The following KDM7A variants were observed in gnomAD, a reference collection of about 807,000 sequenced individuals.
The protein encoded by KDM7A is lysine-specific demethylase 7A.
Under a neutral mutation model 114.8 loss-of-function variants are expected in KDM7A, and 28 were observed. The ratio of observed to expected loss-of-function variants is 0.24; its 90% CI spans 0.18 to 0.33. The LOEUF (loss-of-function observed/expected upper bound fraction) is 0.33. Among genes scored for constraint, KDM7A ranks in the 10% least tolerant of loss-of-function variants. The pLI, the probability that KDM7A is intolerant of heterozygous loss-of-function variation, is 1.00. For missense variants in KDM7A, 942 were observed against 1,142.5 expected (o/e 0.82, Z 2.53); for synonymous variants, 423 against 397.8 (o/e 1.06, Z -0.75).
Position 140,111,293 on chromosome 7 carries a change from G to A in KDM7A, c.1339-109C>T, listed in dbSNP as rs532806748. The A allele has an allele frequency of 2.0e-4, 125 of 616,838 alleles. 1 individual carries two copies. The Middle Eastern group carries it at 2.1e-3, about 11-fold the overall frequency. 38.2% of individuals were successfully genotyped at this position (616,838 alleles called of 1,614,324 possible). ...GATTCTCTAAACTGTTACAGACATC[G>A]CCAAATACTAGTAAGCCAGGTTTCA... On this transcript the variant is annotated intron_variant, in intron 10 of 19. Coordinates refer to ENST00000397560, the MANE Select transcript of KDM7A (RefSeq NM_030647.2).
intron 14 of KDM7A, among the ~76,000 whole-genome samples, chr7:140,097,985 A>G (rs1485795925): frequency 6.6e-6 from 1 of 152,246 alleles, no homozygotes; most frequent in Non-Finnish European, 1.5e-5. Context: ...CTCCTTTTGC[A>G]TTAGTTGTAT....
At chr7:140,112,727 C>A (rs1197710794) in intron 10 of KDM7A, among the ~76,000 whole-genome samples, 1 of 152,036 alleles carries the variant, frequency 6.6e-6, no homozygotes, top group African/African-American at 2.4e-5. Flanking sequence ...ATGAGAAAGA[C>A]AGTCCCTGTT....
In KDM7A at chr7:140,176,948, C is replaced by A; in HGVS notation, c.-11G>T. 5 of 1,139,214 alleles carry A rather than the reference C, an allele frequency of 4.4e-6. No homozygotes were observed. The highest frequency in any genetic ancestry group is 5.4e-6 in the Non-Finnish European group (5 of 925,524). The allele number at this position is 1,139,214 out of a possible 1,614,324, so 70.6% of individuals were successfully genotyped here. On this transcript the variant is annotated 5_prime_UTR_variant, in exon 1 of 20. Transcript: ENST00000397560. This position sits in a 1 kb window ranked among gnomAD's most constrained non-coding sequence, Gnocchi z 4.4. ...CGCCGCTCCGGCCATCTTTAAAAAA[C>A]ACACACACGCTCGCTCGCTACTCCG...
intron 1 of KDM7A, among the ~76,000 whole-genome samples, chr7:140,171,257 G>A (rs913496490): frequency 4.0e-5 from 6 of 150,474 alleles, no homozygotes; most frequent in African/African-American, 7.3e-5. Context: ...TCAGGAGATC[G>A]AGACCATCCT....
At chr7:140,140,380 T>C (rs1202638791) in intron 1 of KDM7A, among the ~76,000 whole-genome samples, 1 of 152,062 alleles carries the variant, frequency 6.6e-6, no homozygotes, top group Non-Finnish European at 1.5e-5. Flanking sequence ...AAAAAGTAAA[T>C]AACAAAACCT....
chr7:140,114,421 T>C (rs35879266), intron 9 of KDM7A, among the ~76,000 whole-genome samples: 52,288 of 151,362 alleles, frequency 0.35, 9,168 homozygotes, highest in Middle Eastern at 0.43. Context: ...CTGCCAGCCT[T>C]GGCCTCCCGA....
intron 1 of KDM7A, among the ~76,000 whole-genome samples, chr7:140,167,686 G>GA (rs1432364764): frequency 6.6e-6 from 1 of 151,502 alleles, no homozygotes; most frequent in Non-Finnish European, 1.5e-5. Context: ...AAAAACACAG[G>GA]AAAAAATTCT....
At chr7:140,155,743 A>G (rs556260850) in intron 1 of KDM7A, among the ~76,000 whole-genome samples, 1 of 152,368 alleles carries the variant, frequency 6.6e-6, no homozygotes, top group Admixed American at 6.5e-5. Flanking sequence ...CAAACAGTCC[A>G]GCAGCCCACA....
At chr7:140,093,934 A>C in intron 18 of KDM7A, 122 bp downstream of exon 18, 1 of 701,598 alleles carries the variant, frequency 1.4e-6, no homozygotes, top group Non-Finnish European at 2.6e-6. Flanking sequence ...ATTTAACTGT[A>C]ATTTTCTGGC....
chr7:140,166,333 T>C (rs995288672), intron 1 of KDM7A, among the ~76,000 whole-genome samples: 1 of 149,456 alleles, frequency 6.7e-6, no homozygotes, highest in South Asian at 2.1e-4. Context: ...TACTTTTTTT[T>C]CCTTTTTTTT....
chr7:140,123,853 C>T (rs1026031828), intron 7 of KDM7A, among the ~76,000 whole-genome samples: 3 of 151,964 alleles, frequency 2.0e-5, no homozygotes, highest in Non-Finnish European at 4.4e-5. Context: ...GGGCGGATCA[C>T]GAGGTCAGGA....
In KDM7A at chr7:140,084,927, C is replaced by A. The variant is rs965926483; in HGVS notation, c.*6167G>T. On this transcript the variant is annotated 3_prime_UTR_variant, in exon 20 of 20. Coordinates refer to ENST00000397560, the MANE Select transcript of KDM7A (RefSeq NM_030647.2). ...AAATTGGAAAGAATACTAAATACAA[C>A]TTTAAACAAGTCACTTGTCCTCCCC... is the stretch of plus-strand genomic sequence containing the variant. The A allele has an allele frequency of 2.6e-5, 4 of 152,108 alleles. No individual in the cohort carries two copies. The highest frequency in any genetic ancestry group is 9.7e-5 in the African/African-American group (4 of 41,424). 9.4% of individuals were successfully genotyped at this position (152,108 alleles called of 1,614,324 possible).
intron 12 of KDM7A, among the ~76,000 whole-genome samples, chr7:140,100,751 T>TATA (rs1818210655): frequency 1.8e-5 from 1 of 56,530 alleles, no homozygotes; most frequent in African/African-American, 1.2e-4. Context: ...TACATATATA[T>TATA]TTTTTTGTTT....
At chr7:140,112,348 G>A (rs1240032021) in intron 10 of KDM7A, among the ~76,000 whole-genome samples, 2 of 152,218 alleles carry the variant, frequency 1.3e-5, no homozygotes, top group Non-Finnish European at 2.9e-5. Flanking sequence ...AGTGGCTCAT[G>A]ACTGTAATTC....
At chr7:140,111,729 C>A (rs1585144766) in intron 10 of KDM7A, among the ~76,000 whole-genome samples, 2 of 152,212 alleles carry the variant, frequency 1.3e-5, no homozygotes. Context: ...GAGGCCAAGG[C>A]TGGCAGATCA....
chr7:140,108,456 G>C (rs768561765), intron 11 of KDM7A, among the ~76,000 whole-genome samples: 1 of 152,122 alleles, frequency 6.6e-6, no homozygotes, highest in Non-Finnish European at 1.5e-5. Flanking sequence ...CTAGAGATGG[G>C]GTTTTGGTGT....
intron 18 of KDM7A, among the ~76,000 whole-genome samples, chr7:140,093,679 C>A (rs1426904506): frequency 6.6e-6 from 1 of 152,170 alleles, no homozygotes; most frequent in African/African-American, 2.4e-5. Flanking sequence ...TAACTTTCAT[C>A]AAATGCTCAA....
chr7:140,125,640 C>T (rs959796159), intron 6 of KDM7A, among the ~76,000 whole-genome samples: 1 of 152,144 alleles, frequency 6.6e-6, no homozygotes, highest in Non-Finnish European at 1.5e-5. Context: ...AATCACAGCA[C>T]ACTGCGCCCT....
chr7:140,106,402 C>T (rs1479858964), intron 11 of KDM7A, among the ~76,000 whole-genome samples: 1 of 152,124 alleles, frequency 6.6e-6, no homozygotes, highest in Non-Finnish European at 1.5e-5. Context: ...TACATCTTTC[C>T]TGCTTTCTCT....
Sources: allele counts gnomAD v4.1 joint callset (sites outside exome capture counted in the v4.1 genomes callset), GRCh38; gene constraint gnomAD v4.1.1; non-coding constraint Gnocchi (gnomAD v3.1); transcripts MANE v1.5; gene names NCBI Gene and HGNC (gene_info 2026-07-23, HGNC 2026-07-21).